Variants in PRELID2 observed in about 807,000 individuals in gnomAD.
PRELID2 encodes the protein PRELI domain containing 2.
Under a neutral mutation model 28.4 loss-of-function variants are expected in PRELID2, and 25 were observed. The observed-to-expected ratio is 0.88, with a 90% confidence interval of 0.64 to 1.23. The LOEUF (loss-of-function observed/expected upper bound fraction) is 1.23. Ranked by LOEUF, PRELID2 falls within the 50% of genes most tolerant of loss-of-function variation. The pLI, the probability that PRELID2 is intolerant of heterozygous loss-of-function variation, is 0.00. For synonymous variants in PRELID2, 76 were observed against 71.6 expected, an observed-to-expected ratio of 1.06 and a Z score of -0.31; for missense variants, 201 against 214.4, an observed-to-expected ratio of 0.94 and a Z score of 0.39.
chr5:145,340,766 T>TATAC, the PRELID2 span, among the ~76,000 whole-genome samples: 892 of 87,844 alleles, frequency 0.01, 6 homozygotes, highest in Non-Finnish European at 0.014. Flanking sequence ...TGCCTAAAAA[T>TATAC]ATACATATAT....
chr5:145,713,350 T>TTATATATATATATATATATATATA (rs148194664), intron 1 of PRELID2, among the ~76,000 whole-genome samples: 1,949 of 123,956 alleles, frequency 0.016, 38 homozygotes, highest in South Asian at 0.029. Flanking sequence ...ATATCTGACT[T>TTATATATATATATATATATATATA]TATATATATA....
At chr5:145,336,330 A>G in the PRELID2 span, among the ~76,000 whole-genome samples, 4 of 151,242 alleles carry the variant, frequency 2.6e-5, no homozygotes, top group African/African-American at 7.3e-5. Flanking sequence ...TTGGTGTTTT[A>G]GACATGAAGT....
chr5:145,615,493 AT>A (rs1310481760), intron 1 of PRELID2, among the ~76,000 whole-genome samples: 2 of 142,706 alleles, frequency 1.4e-5, no homozygotes, highest in Admixed American at 7.3e-5. Flanking sequence ...CGCCCGGCTA[AT>A]TTTTTGTATT....
At chr5:145,276,231 T>A in the PRELID2 span, among the ~76,000 whole-genome samples, 1 of 152,158 alleles carries the variant, frequency 6.6e-6, no homozygotes, top group East Asian at 1.9e-4. Context: ...AGCACATTAA[T>A]GACAAATGTG....
chr5:145,308,883 T>A, the PRELID2 span, among the ~76,000 whole-genome samples: 1 of 152,160 alleles, frequency 6.6e-6, no homozygotes, highest in Non-Finnish European at 1.5e-5. Flanking sequence ...CATTTTTTTC[T>A]TTATTGTAAA....
At chr5:145,742,111 T>G (rs1224835358) in intron 1 of PRELID2, among the ~76,000 whole-genome samples, 1 of 126,096 alleles carries the variant, frequency 7.9e-6, no homozygotes, top group Non-Finnish European at 1.6e-5. Flanking sequence ...TAATTATATA[T>G]AAATAAAATT....
intron 1 of PRELID2, among the ~76,000 whole-genome samples, chr5:145,572,625 C>T (rs1753024245): frequency 6.6e-6 from 1 of 152,148 alleles, no homozygotes; most frequent in Non-Finnish European, 1.5e-5. Flanking sequence ...ACTGACTGTA[C>T]TCCATCAAAG....
chr5:145,397,059 T>C, the PRELID2 span, among the ~76,000 whole-genome samples: 23 of 152,254 alleles, frequency 1.5e-4, 1 homozygote, highest in African/African-American at 5.5e-4. Flanking sequence ...ACTGCTATTC[T>C]TAATACCTAC....
the PRELID2 span, among the ~76,000 whole-genome samples, chr5:145,365,351 A>G: frequency 7.9e-5 from 12 of 151,970 alleles, no homozygotes; most frequent in South Asian, 2.1e-4. Flanking sequence ...CAATGCAAAC[A>G]TATATCAAAA....
chr5:145,312,471 C>T, the PRELID2 span, among the ~76,000 whole-genome samples: 1 of 152,164 alleles, frequency 6.6e-6, no homozygotes, highest in Non-Finnish European at 1.5e-5. Flanking sequence ...TGAAGTGAAA[C>T]TTTGATCCCT....
intron 1 of PRELID2, among the ~76,000 whole-genome samples, chr5:145,639,974 C>T (rs1754070489): frequency 6.6e-6 from 1 of 152,180 alleles, no homozygotes; most frequent in Admixed American, 6.5e-5. Flanking sequence ...TTGAACAGGC[C>T]CCACCACCCT....
chr5:145,350,959 G>A, the PRELID2 span, among the ~76,000 whole-genome samples: 1 of 152,274 alleles, frequency 6.6e-6, no homozygotes, highest in East Asian at 1.9e-4. Flanking sequence ...AATGATAGTA[G>A]CAGGCAGTTA....
At chr5:145,543,321 A>G (rs1752760445) in intron 1 of PRELID2, among the ~76,000 whole-genome samples, 1 of 152,190 alleles carries the variant, frequency 6.6e-6, no homozygotes, top group Non-Finnish European at 1.5e-5. Flanking sequence ...GTATTAAGAC[A>G]GCAAAGGCAT....
intron 6 of PRELID2, among the ~76,000 whole-genome samples, chr5:145,762,733 C>CA (rs1437289423): frequency 6.6e-6 from 1 of 151,954 alleles, no homozygotes; most frequent in African/African-American, 2.4e-5. Flanking sequence ...ATTTAAGCAA[C>CA]AAAAAAGGGG....
At chr5:145,817,112 G>A (rs1754359891) in intron 4 of PRELID2, among the ~76,000 whole-genome samples, 1 of 149,248 alleles carries the variant, frequency 6.7e-6, no homozygotes, top group African/African-American at 2.5e-5. Flanking sequence ...GATCACTTGA[G>A]CCCAGGAGGT....
intron 1 of PRELID2, among the ~76,000 whole-genome samples, chr5:145,587,292 C>T (rs567129038): frequency 6.6e-6 from 1 of 152,252 alleles, no homozygotes; most frequent in South Asian, 2.1e-4. Context: ...TCTGTAAAAA[C>T]AGTCCTCGAG....
chr5:145,588,709 C>A (rs75490337), intron 1 of PRELID2, among the ~76,000 whole-genome samples: 10,833 of 152,012 alleles, frequency 0.071, 567 homozygotes, highest in Admixed American at 0.18. Context: ...TACACTCATG[C>A]CTTTGCCCAA....
chr5:145,365,278 A>C, the PRELID2 span, among the ~76,000 whole-genome samples: 1 of 151,986 alleles, frequency 6.6e-6, no homozygotes, highest in Admixed American at 6.6e-5. Flanking sequence ...CATGTTTTTC[A>C]CCACAAAAAA....
At chr5:145,435,752 G>A in the PRELID2 span, among the ~76,000 whole-genome samples, 2 of 152,190 alleles carry the variant, frequency 1.3e-5, no homozygotes, top group Admixed American at 1.3e-4. Flanking sequence ...ACCAATTTAT[G>A]TCTTGTGGGC....
Sources: allele counts gnomAD v4.1 joint callset (sites outside exome capture counted in the v4.1 genomes callset), GRCh38; gene constraint gnomAD v4.1.1; transcripts MANE v1.5; gene names NCBI Gene and HGNC (gene_info 2026-07-23, HGNC 2026-07-21).